HS1BP3: variants seen among roughly 807,000 people sequenced by gnomAD.
HS1BP3 encodes HCLS1 binding protein 3.
A neutral mutation model predicts 33.5 loss-of-function variants in HS1BP3; 32 were observed. The observed-to-expected ratio is 0.95, with a 90% CI of 0.72 to 1.28. The LOEUF (loss-of-function observed/expected upper bound fraction) is 1.28, where lower values mean the gene tolerates loss of function less well. Ranked by LOEUF, HS1BP3 falls within the 50% of genes most tolerant of loss-of-function variation. The probability of loss-of-function intolerance (pLI) is 0.00; values close to 1 mark genes in which losing one functional copy is unlikely to be tolerated. For synonymous variants in HS1BP3, 187 were observed against 209.2 expected (o/e 0.89, Z 0.92); for missense variants, 486 against 502.3 (o/e 0.97, Z 0.31).
chr2:20,626,770 G>A (rs1694799794), intron 4 of HS1BP3, among the ~76,000 whole-genome samples: 2 of 152,204 alleles, frequency 1.3e-5, no homozygotes, highest in Admixed American at 1.3e-4. Flanking sequence ...GAGGTGGAGG[G>A]AGCCTCGATT....
chr2:20,606,552 ACTT>A (rs767701689), intron 2 of HS1BP3: 17 of 486,246 alleles, frequency 3.5e-5, no homozygotes, highest in Middle Eastern at 7.5e-4. Flanking sequence ...TCTTTGGAGC[ACTT>A]CTTCTTTTTG....
chr2:20,628,007 G>A lies in HS1BP3; in HGVS notation c.624-3115C>T, dbSNP rs567945181. Among the ~76,000 whole-genome samples, 10 of 152,246 alleles carry A rather than the reference G, an allele frequency of 6.6e-5. No individual in the cohort carries two copies. The East Asian group carries it at 1.4e-3, about 21-fold the overall frequency. ...TCAGGATTCTGTTAATCCCCAAGGC[G>A]GGAGGGGCAGGGAGGGAAGAGGGAT... On this transcript the variant is annotated intron_variant, in intron 4 of 6. Coordinates refer to ENST00000304031, the MANE Select transcript of HS1BP3 (RefSeq NM_022460.4).
chr2:20,581,019 A>T (rs1040976741), intron 5 of HS1BP3, among the ~76,000 whole-genome samples: 2 of 152,234 alleles, frequency 1.3e-5, no homozygotes, highest in African/African-American at 4.8e-5. Context: ...CATGCACTCC[A>T]GGCAACATCC....
chr2:20,582,766 C>T lies in HS1BP3; in HGVS notation c.303-22251G>A, dbSNP rs113203768. On this transcript the variant is annotated intron_variant, in intron 5 of 5. Transcript: ENST00000446825. ...TCATGGGGCAGACGTGACCTCAGCTCGCTGGGCTCAGCTCATCCTGCTCCA... is the reference window on the plus strand; with the variant it reads ...TCATGGGGCAGACGTGACCTCAGCTTGCTGGGCTCAGCTCATCCTGCTCCA... Among the ~76,000 whole-genome samples, 251 of 152,274 alleles carry T rather than the reference C, an allele frequency of 1.6e-3. 1 individual carries two copies. The highest frequency in any genetic ancestry group is 5.8e-3 in the African/African-American group (243 of 41,544).
At chr2:20,614,491 A>G (rs1031855452), downstream of HS1BP3, among the ~76,000 whole-genome samples, 1 of 152,228 alleles carries the variant, frequency 6.6e-6, no homozygotes, top group Non-Finnish European at 1.5e-5. Flanking sequence ...GAAGGCCCAG[A>G]GAACAGAAGT....
downstream of HS1BP3, among the ~76,000 whole-genome samples, chr2:20,614,662 C>A (rs768638790): frequency 6.6e-6 from 1 of 152,222 alleles, no homozygotes; most frequent in African/African-American, 2.4e-5. Context: ...GGAAAACAAA[C>A]GACATGATTG....
In HS1BP3 at chr2:20,638,435, C is replaced by T. The variant is rs767939012; in HGVS notation, c.623+1G>A. 7 of 1,613,684 alleles carry T rather than the reference C, an allele frequency of 4.3e-6. No homozygotes were observed. Among genetic ancestry groups the T allele is most frequent in the Non-Finnish European group, 5.9e-6 (7 of 1,179,760 alleles). On this transcript the variant is annotated splice_donor_variant, in intron 4 of 6. Transcript: ENST00000304031. LOFTEE classifies it high-confidence loss of function. ...GGCCCTCTCAACAACAGGAGACCAA[C>T]CGCATAATGCCCAGAGGGTCCAGCG...
Position 20,624,820 on chromosome 2 carries a change from G to T in HS1BP3, c.696C>A (p.Asp232Glu), listed in dbSNP as rs376195521. The change falls in exon 5 of 7, where the codon GAC (aspartate) becomes GAA (glutamate). Residue 232 changes from aspartate to glutamate, a missense_variant. Physicochemically the swap from Asp to Glu is conservative, Grantham distance 45. Coordinates refer to ENST00000304031, the MANE Select transcript of HS1BP3 (RefSeq NM_022460.4). Reference sequence around the variant, plus strand: ...GCCCCTCATCAGGGTCCACCTCCTCGTCAAAGATGGTGAGCCGGGGCGAGG... The same window carrying T: ...GCCCCTCATCAGGGTCCACCTCCTCTTCAAAGATGGTGAGCCGGGGCGAGG... Reference protein sequence around the residue: ...AKPSPRLTIFDEEVDPDEGLF... With the variant: ...AKPSPRLTIFEEEVDPDEGLF... 5.0e-6 allele frequency: 8 copies of T among 1,613,706 alleles called. No individual in the cohort carries two copies. The Admixed American group carries it at 1.0e-4, about 20-fold the overall frequency.
chr2:20,562,514 T>G (rs1429322404), intron 5 of HS1BP3, among the ~76,000 whole-genome samples: 1 of 152,088 alleles, frequency 6.6e-6, no homozygotes, highest in Non-Finnish European at 1.5e-5. Context: ...AAAATATAAT[T>G]AATGGGTAAA....
At chr2:20,601,298 T>G (rs547406237) in intron 2 of HS1BP3, among the ~76,000 whole-genome samples, 1 of 152,386 alleles carries the variant, frequency 6.6e-6, no homozygotes, top group African/African-American at 2.4e-5. Context: ...TCACTACTGA[T>G]AAACCATCAG....
At chr2:20,626,584 C>T (rs1250151311) in intron 4 of HS1BP3, among the ~76,000 whole-genome samples, 1 of 152,202 alleles carries the variant, frequency 6.6e-6, no homozygotes, top group Non-Finnish European at 1.5e-5. Flanking sequence ...TCCTGCTGTT[C>T]TCTGGGGAGA....
intron 3 of HS1BP3, 71 bp downstream of exon 3, chr2:20,640,902 C>A: frequency 6.7e-7 from 1 of 1,487,394 alleles, no homozygotes; most frequent in Non-Finnish European, 9.4e-7. Flanking sequence ...CATGCTCCCA[C>A]TGGGGCACGG....
At chr2:20,634,845 C>T (rs1695071895) in intron 4 of HS1BP3, 1 of 152,256 alleles carries the variant, frequency 6.6e-6, no homozygotes, top group Admixed American at 6.5e-5. Context: ...CATCCAGCTT[C>T]ACCACGGAGG....
At chr2:20,566,539 G>T (rs1693132237) in intron 5 of HS1BP3, among the ~76,000 whole-genome samples, 1 of 152,080 alleles carries the variant, frequency 6.6e-6, no homozygotes, top group Non-Finnish European at 1.5e-5. Context: ...CTAGCTCTAG[G>T]CACTTCTCTC....
At chr2:20,590,530 T>A (rs1437658962), downstream of HS1BP3, among the ~76,000 whole-genome samples, 1 of 152,236 alleles carries the variant, frequency 6.6e-6, no homozygotes, top group Non-Finnish European at 1.5e-5. Flanking sequence ...TGGTTCCAGC[T>A]GTTGCTCTGT....
chr2:20,557,952 T>G (rs1692878337), downstream of HS1BP3, among the ~76,000 whole-genome samples: 1 of 152,202 alleles, frequency 6.6e-6, no homozygotes, highest in African/African-American at 2.4e-5. Flanking sequence ...GGTTTCTGCC[T>G]TATCCCAAGT....
intron 5 of HS1BP3, among the ~76,000 whole-genome samples, chr2:20,570,914 G>A (rs1481656945): frequency 1.3e-5 from 2 of 152,180 alleles, no homozygotes; most frequent in Non-Finnish European, 2.9e-5. Context: ...CAGGGTCATG[G>A]AAGGCCTCAG....
chr2:20,557,366 T>A (rs1291791636), downstream of HS1BP3, among the ~76,000 whole-genome samples: 4 of 152,232 alleles, frequency 2.6e-5, no homozygotes, highest in Non-Finnish European at 4.4e-5. Flanking sequence ...CTCTGAATGA[T>A]GACGGCTGGG....
intron 2 of HS1BP3, among the ~76,000 whole-genome samples, chr2:20,598,829 A>G (rs1176348953): frequency 6.6e-6 from 1 of 152,022 alleles, no homozygotes; most frequent in Non-Finnish European, 1.5e-5. Flanking sequence ...AAGTGCTGGG[A>G]TTACAGGCGT....
Sources: allele counts gnomAD v4.1 joint callset (sites outside exome capture counted in the v4.1 genomes callset), GRCh38; gene constraint gnomAD v4.1.1; transcripts MANE v1.5; gene names NCBI Gene and HGNC (gene_info 2026-07-23, HGNC 2026-07-21).